XKR9: variants seen among roughly 807,000 people sequenced by gnomAD.
XKR9 encodes the protein XK related 9, also known as XK-related protein 9.
In XKR9, 32 loss-of-function variants were observed where a neutral mutation model predicts 32.0. The observed-to-expected ratio is 1.00, with a 90% CI of 0.76 to 1.34. XKR9 has a LOEUF of 1.34. Ranked by LOEUF, XKR9 falls within the 40% of genes most tolerant of loss-of-function variation. The pLI, the probability that XKR9 is intolerant of heterozygous loss-of-function variation, is 0.00. For missense variants in XKR9, 546 were observed against 429.7 expected (o/e 1.27, Z -2.39); for synonymous variants, 168 against 143.4 (o/e 1.17, Z -1.22).
chr8:70,740,616 G>T (rs1386451610), downstream of XKR9, among the ~76,000 whole-genome samples: 2 of 151,880 alleles, frequency 1.3e-5, no homozygotes, highest in Admixed American at 6.5e-5. Flanking sequence ...TTTGGTCTTT[G>T]ATGATGGTGA....
chr8:71,020,878 A>C, the XKR9 span, among the ~76,000 whole-genome samples: 1 of 152,192 alleles, frequency 6.6e-6, no homozygotes, highest in Admixed American at 6.5e-5. Flanking sequence ...ACTGTATATT[A>C]GTACCTGTCT....
the XKR9 span, among the ~76,000 whole-genome samples, chr8:70,813,919 T>G: frequency 6.6e-6 from 1 of 152,164 alleles, no homozygotes; most frequent in South Asian, 2.1e-4. Flanking sequence ...GAAATACCAT[T>G]TGACGCAGCA....
chr8:70,935,652 C>T, the XKR9 span, among the ~76,000 whole-genome samples: 1 of 151,918 alleles, frequency 6.6e-6, no homozygotes, highest in African/African-American at 2.4e-5. Flanking sequence ...TTAAATTTGT[C>T]TGGTATATTT....
At chr8:70,993,666 C>A in the XKR9 span, among the ~76,000 whole-genome samples, 2 of 150,090 alleles carry the variant, frequency 1.3e-5, no homozygotes, top group East Asian at 2.0e-4. Flanking sequence ...TCCTTCCTTC[C>A]TTCCTCCCAT....
rs571234927 is a variant in XKR9 at position 70,695,162 on chromosome 8, T to A, written c.273-11771T>A. Among the ~76,000 whole-genome samples, 234 of 150,040 alleles carry A rather than the reference T, an allele frequency of 1.6e-3. 1 individual carries two copies. The highest frequency in any genetic ancestry group is 0.01 in the South Asian group (49 of 4,774). ...TTTTTTTTTCTCATTGATTTGTTTT[T>A]AAAAAAATTTTTTTTTATTTTATTA... On this transcript the variant is annotated intron_variant, in intron 3 of 4. Transcript: ENST00000408926.
At position 70,734,318 on chromosome 8, in the gene XKR9, A is replaced by G. The variant is rs1358815175; in HGVS notation, c.1016A>G (p.Tyr339Cys). Residue 339 changes from tyrosine (Y) to cysteine (C), a missense_variant, in exon 5 of 5, where the codon TAT becomes TGT. Tyr to Cys is a radical substitution (Grantham distance 194, BLOSUM62 -2). Transcript: ENST00000408926. ...LLLGILFLIV[Y>C]YGSFHPNRSA... The stretch of plus-strand genomic sequence containing the variant: ...CTTGGAATTCTTTTTCTTATTGTTT[A>G]TTATGGGAGTTTTCACCCAAACAGA... The G allele has an allele frequency of 6.2e-7, 1 of 1,612,530 alleles. No homozygotes were observed. Among genetic ancestry groups the G allele is most frequent in the East Asian group, 2.2e-5 (1 of 44,776 alleles).
At chr8:70,969,814 C>A in the XKR9 span, among the ~76,000 whole-genome samples, 2 of 152,040 alleles carry the variant, frequency 1.3e-5, no homozygotes. Context: ...TGAATAAGTT[C>A]TTTAGTGGTG....
chr8:70,718,016 T>A (rs1461701798), intron 4 of XKR9, among the ~76,000 whole-genome samples: 1 of 152,130 alleles, frequency 6.6e-6, no homozygotes, highest in Non-Finnish European at 1.5e-5. Flanking sequence ...AAATTCCTCA[T>A]CTCCATCTGA....
At chr8:70,797,193 T>A in the XKR9 span, among the ~76,000 whole-genome samples, 1 of 151,962 alleles carries the variant, frequency 6.6e-6, no homozygotes, top group African/African-American at 2.4e-5. Context: ...GAGGTAACAG[T>A]CAGAGTGAGG....
chr8:70,718,542 A>C (rs1806168297), intron 4 of XKR9, among the ~76,000 whole-genome samples: 1 of 151,528 alleles, frequency 6.6e-6, no homozygotes, highest in Non-Finnish European at 1.5e-5. Context: ...TCTTTGTTCA[A>C]CTCCCATTTA....
chr8:71,032,414 C>T, the XKR9 span, among the ~76,000 whole-genome samples: 2 of 151,954 alleles, frequency 1.3e-5, no homozygotes, highest in African/African-American at 4.8e-5. Context: ...GAAAACACTT[C>T]CTTATTACAT....
At chr8:70,872,594 G>A in the XKR9 span, among the ~76,000 whole-genome samples, 208 of 152,266 alleles carry the variant, frequency 1.4e-3, no homozygotes, top group African/African-American at 4.8e-3. Flanking sequence ...AGATATAAAG[G>A]AGAAATCAAT....
chr8:70,883,573 C>G, the XKR9 span, among the ~76,000 whole-genome samples: 1 of 152,080 alleles, frequency 6.6e-6, no homozygotes. Flanking sequence ...CATAGAACCA[C>G]TGATCTTTCC....
At chr8:70,857,327 C>T in the XKR9 span, among the ~76,000 whole-genome samples, 3 of 152,172 alleles carry the variant, frequency 2.0e-5, no homozygotes, top group African/African-American at 7.2e-5. Flanking sequence ...AAACTACCAT[C>T]AGAGAATACT....
intron 2 of XKR9, among the ~76,000 whole-genome samples, chr8:70,788,324 G>A (rs929024719): frequency 5.3e-5 from 8 of 152,110 alleles, no homozygotes; most frequent in Non-Finnish European, 1.0e-4. Context: ...ATTGTCAGTT[G>A]TTGCAACTTT....
At chr8:70,710,581 T>C (rs1341114123) in intron 4 of XKR9, among the ~76,000 whole-genome samples, 1 of 152,122 alleles carries the variant, frequency 6.6e-6, no homozygotes, top group Non-Finnish European at 1.5e-5. Context: ...CATGTGCCTG[T>C]AATCCTAGCT....
downstream of XKR9, among the ~76,000 whole-genome samples, chr8:70,740,788 G>A (rs556688272): frequency 1.8e-4 from 27 of 152,324 alleles, 1 homozygote; most frequent in South Asian, 3.9e-3. Flanking sequence ...GTGGATTTTC[G>A]TGAACCACGA....
chr8:71,010,030 G>A, the XKR9 span, among the ~76,000 whole-genome samples: 1 of 152,168 alleles, frequency 6.6e-6, no homozygotes, highest in South Asian at 2.1e-4. Flanking sequence ...GGCTTCAACC[G>A]ACCCTGATCT....
the XKR9 span, among the ~76,000 whole-genome samples, chr8:70,952,291 G>A: frequency 6.6e-6 from 1 of 152,118 alleles, no homozygotes; most frequent in African/African-American, 2.4e-5. Context: ...TCCACATGGT[G>A]TGATGCTTCT....
Sources: allele counts gnomAD v4.1 joint callset (sites outside exome capture counted in the v4.1 genomes callset), GRCh38; gene constraint gnomAD v4.1.1; transcripts MANE v1.5; gene names NCBI Gene and HGNC (gene_info 2026-07-23, HGNC 2026-07-21).